The following SMARCC1 variants were observed in gnomAD, a reference collection of about 807,000 sequenced individuals.
The protein encoded by SMARCC1 is SWI/SNF related BAF chromatin remodeling complex subunit C1.
SMARCC1 carries 43 observed loss-of-function variants against 147.4 expected under a neutral mutation model. That is an observed-to-expected ratio of 0.29 (90% confidence interval 0.23 to 0.38). The LOEUF (loss-of-function observed/expected upper bound fraction) is 0.38. Among genes scored for constraint, SMARCC1 ranks in the 10% least tolerant of loss-of-function variants. The pLI is 1.00. For synonymous variants in SMARCC1, 495 were observed against 484.4 expected (o/e 1.02, Z -0.29); for missense variants, 1,119 against 1,381.1 (o/e 0.81, Z 3.01).
At chr3:47,695,848 C>G (rs1321642725) in intron 11 of SMARCC1, among the ~76,000 whole-genome samples, 4 of 140,086 alleles carry the variant, frequency 2.9e-5, no homozygotes, top group African/African-American at 8.1e-5. Context: ...GGGCAGATCA[C>G]CTGAGGTCAG....
At chr3:47,694,847 G>C (rs573088493) in intron 11 of SMARCC1, among the ~76,000 whole-genome samples, 5 of 152,154 alleles carry the variant, frequency 3.3e-5, no homozygotes, top group African/African-American at 4.8e-5. Context: ...TTACCAATCT[G>C]ACATAATCAA....
chr3:47,735,404 T>C (rs952130166), intron 5 of SMARCC1, among the ~76,000 whole-genome samples: 1 of 152,056 alleles, frequency 6.6e-6, no homozygotes, highest in African/African-American at 2.4e-5. Flanking sequence ...TAATCAATCC[T>C]AATACTTTGG....
intron 26 of SMARCC1, among the ~76,000 whole-genome samples, chr3:47,595,389 C>T (rs967775435): frequency 2.0e-5 from 3 of 151,802 alleles, no homozygotes; most frequent in East Asian, 1.9e-4. Flanking sequence ...TAGCGAGATG[C>T]GGTGGTGGGC....
At chr3:47,714,973 C>G (rs2034137808) in intron 7 of SMARCC1, among the ~76,000 whole-genome samples, 1 of 152,154 alleles carries the variant, frequency 6.6e-6, no homozygotes, top group South Asian at 2.1e-4. Context: ...TTTTAAACAG[C>G]TGCTTGGTCT....
intron 3 of SMARCC1, among the ~76,000 whole-genome samples, chr3:47,738,444 G>A (rs143189451): frequency 2.5e-4 from 38 of 152,302 alleles, no homozygotes; most frequent in Non-Finnish European, 5.0e-4. Context: ...CCAGCACTTT[G>A]GGAGGCTGAG....
In SMARCC1 at chr3:47,674,250, C is replaced by A. The variant is rs552125178; in HGVS notation, c.1839+1225G>T. Among the ~76,000 whole-genome samples the A allele has an allele frequency of 2.6e-5, 4 of 152,298 alleles. No homozygotes were observed. In the South Asian group the frequency reaches 8.3e-4, roughly 32 times the overall value. ...ATTACCCTTTTCTCTGCTCCTTATTCCTTCATGGAGTCATGTGCTTTCATC... is the reference window on the plus strand; with the variant it reads ...ATTACCCTTTTCTCTGCTCCTTATTACTTCATGGAGTCATGTGCTTTCATC... On this transcript the variant is annotated intron_variant, in intron 18 of 27. Transcript: ENST00000254480.
chr3:47,635,400 T>C (rs1241323553), intron 23 of SMARCC1, 56 bp from the exon 24 acceptor site: 2 of 1,427,300 alleles, frequency 1.4e-6, no homozygotes, highest in East Asian at 4.8e-5. Context: ...AACCCATCTT[T>C]CTCCTTACCT....
intron 27 of SMARCC1, among the ~76,000 whole-genome samples, chr3:47,588,805 C>T (rs2032125528): frequency 6.7e-6 from 1 of 148,506 alleles, no homozygotes; most frequent in African/African-American, 2.5e-5. Flanking sequence ...GAGAGCTTCA[C>T]TTGAGGCAGT....
intron 1 of SMARCC1, among the ~76,000 whole-genome samples, chr3:47,781,155 C>G (rs1163293290): frequency 6.6e-6 from 1 of 152,194 alleles, no homozygotes; most frequent in Non-Finnish European, 1.5e-5. Context: ...TATTAATTAA[C>G]GAATACAATC....
chr3:47,742,784 C>T (rs2034523736), intron 3 of SMARCC1, among the ~76,000 whole-genome samples: 2 of 152,124 alleles, frequency 1.3e-5, no homozygotes, highest in Admixed American at 1.3e-4. Context: ...AGTTTTCCCA[C>T]ATTGCCTGGG....
rs114411035 is a variant in SMARCC1 at position 47,612,912 on chromosome 3, G to A, written c.2782-2585C>T. On this transcript the variant is annotated intron_variant, in intron 25 of 27. Coordinates refer to ENST00000254480, the MANE Select transcript of SMARCC1 (RefSeq NM_003074.4). ...TCCATAAGGGCCATCTCTGTTCTGC[G>A]GCAGATGCAGCAGAGCTTGCCACCA... Among the ~76,000 whole-genome samples, 884 of 152,244 alleles carry A rather than the reference G, an allele frequency of 5.8e-3. 8 individuals are homozygous for A. The highest frequency in any genetic ancestry group is 0.017 in the Middle Eastern group (5 of 294).
intron 2 of SMARCC1, among the ~76,000 whole-genome samples, chr3:47,771,403 A>G (rs2034912720): frequency 6.6e-6 from 1 of 152,202 alleles, no homozygotes; most frequent in African/African-American, 2.4e-5. Context: ...GACAATTCCT[A>G]AAAAGCTAGT....
chr3:47,778,213 A>ACG (rs1455362521), intron 1 of SMARCC1, among the ~76,000 whole-genome samples: 1 of 55,496 alleles, frequency 1.8e-5, no homozygotes, highest in Non-Finnish European at 4.7e-5. Flanking sequence ...CAAAAAACAA[A>ACG]AAACAAAAAA....
chr3:47,702,500 A>G (rs980747568), intron 10 of SMARCC1, among the ~76,000 whole-genome samples: 1 of 152,214 alleles, frequency 6.6e-6, no homozygotes, highest in East Asian at 1.9e-4. Flanking sequence ...TCATGCCTGT[A>G]ATCCCAGAAC....
chr3:47,727,867 AG>A (rs1193166294), intron 6 of SMARCC1, among the ~76,000 whole-genome samples: 1 of 151,944 alleles, frequency 6.6e-6, no homozygotes, highest in East Asian at 2.0e-4. Flanking sequence ...CTGGGATTAC[AG>A]GCCTGAGCCA....
chr3:47,676,952 T>C (rs1041596896), intron 16 of SMARCC1, among the ~76,000 whole-genome samples, 170 bp from the exon 17 acceptor site: 2 of 152,190 alleles, frequency 1.3e-5, no homozygotes, highest in Admixed American at 1.3e-4. Context: ...GAACAATTTC[T>C]ACAAGCCACA....
chr3:47,663,540 G>A, intron 19 of SMARCC1: 1 of 1,057,380 alleles, frequency 9.5e-7, no homozygotes, highest in East Asian at 2.4e-5. Context: ...GAGCCCAGGG[G>A]TTCAAGGCCA....
At chr3:47,735,616 A>T (rs1236360165) in intron 5 of SMARCC1, among the ~76,000 whole-genome samples, 1 of 152,036 alleles carries the variant, frequency 6.6e-6, no homozygotes, top group Non-Finnish European at 1.5e-5. Flanking sequence ...CGAAAAATAC[A>T]ATTAGCACAC....
At chr3:47,658,678 A>G (rs895539139) in intron 21 of SMARCC1, among the ~76,000 whole-genome samples, 2 of 152,202 alleles carry the variant, frequency 1.3e-5, no homozygotes, top group African/African-American at 4.8e-5. Context: ...CAGATGATGG[A>G]CATTCCAGTT....
Sources: allele counts gnomAD v4.1 joint callset (sites outside exome capture counted in the v4.1 genomes callset), GRCh38; gene constraint gnomAD v4.1.1; transcripts MANE v1.5; gene names NCBI Gene and HGNC (gene_info 2026-07-23, HGNC 2026-07-21).